PLEKHG3: variants seen among roughly 807,000 people sequenced by gnomAD.
PLEKHG3 encodes pleckstrin homology domain-containing family G member 3.
PLEKHG3 carries 62 observed loss-of-function variants against 94.9 expected under a neutral mutation model. That is an observed-to-expected ratio of 0.65 (90% confidence interval 0.53 to 0.81). The LOEUF (loss-of-function observed/expected upper bound fraction) is 0.81. PLEKHG3 is among the 30% of genes least tolerant of loss of function. The pLI is 0.00. For missense variants in PLEKHG3, 1,461 were observed against 1,619.3 expected (o/e 0.90, Z 1.68); for synonymous variants, 614 against 654.0 (o/e 0.94, Z 0.93).
Position 64,727,560 on chromosome 14 carries a change from A to G in PLEKHG3, c.-39-33A>G, listed in dbSNP as rs773476104. ...CTGTTCTGTTTCTGTGGGCATTCAG[A>G]GGTTGACCCTTCATCTGTCTGTCTT... is the stretch of plus-strand genomic sequence containing the variant. On this transcript the variant is annotated intron_variant, in intron 1 of 16. Coordinates refer to ENST00000247226, the MANE Select transcript of PLEKHG3 (RefSeq NM_001308147.2). The surrounding 1 kb of genome is among the most constrained non-coding windows in gnomAD (Gnocchi z 6.0). 1 of 764,842 alleles carries G rather than the reference A, an allele frequency of 1.3e-6. No individual in the cohort carries two copies. The highest frequency in any genetic ancestry group is 1.6e-5 in the South Asian group (1 of 62,528). The allele number at this position is 764,842 out of a possible 1,614,324, so 47.4% of individuals were successfully genotyped here.
rs1391738967 is a variant in PLEKHG3, at chr14:64,730,659, C to G, written c.537C>G (p.Ile179Met). 1 of 1,612,860 alleles carries G rather than the reference C, an allele frequency of 6.2e-7. No individual in the cohort carries two copies. The highest frequency in any genetic ancestry group is 1.7e-5 in the Admixed American group (1 of 60,016). The change falls in exon 5 of 17, where the codon ATC becomes ATG. Residue 179 changes from isoleucine (I) to methionine (M), a missense_variant. By Grantham distance (10) the Ile-to-Met change is conservative (BLOSUM62 1). Around this residue, in one of 3 missense-constraint regions of PLEKHG3, gnomAD observed 253 missense variants for 297.8 expected, o/e 0.85. Coordinates refer to ENST00000247226, the MANE Select transcript of PLEKHG3 (RefSeq NM_001308147.2). The surrounding 1 kb of genome is among the most constrained non-coding windows in gnomAD (Gnocchi z 5.4). ...CTTCTTAGAGCCAAGAGTTTGATATCTACACTCAGTATTGCAACAATTACC... is the reference window on the plus strand; with the variant it reads ...CTTCTTAGAGCCAAGAGTTTGATATGTACACTCAGTATTGCAACAATTACC... Reference protein sequence around the residue: ...CFVERSQEFDIYTQYCNNYPN... With the variant: ...CFVERSQEFDMYTQYCNNYPN...
chr14:64,742,129 C>G lies in PLEKHG3; in HGVS notation c.2612C>G (p.Pro871Arg), dbSNP rs764040209. ...SATASPESSS[P>R]TEGRSPAHLA... is the part of the protein sequence containing the mutation. ...ACTGCCTCCCCGGAAAGCTCCTCTCCCACTGAGGGGCGCAGCCCGGCCCAC... is the reference window on the plus strand; with the variant it reads ...ACTGCCTCCCCGGAAAGCTCCTCTCGCACTGAGGGGCGCAGCCCGGCCCAC... The change falls in exon 16 of 17, where the codon CCC becomes CGC. Residue 871 changes from proline to arginine, a missense_variant. Physicochemically the swap from Pro to Arg is moderately radical, Grantham distance 103. Around this residue, in one of 3 missense-constraint regions of PLEKHG3, gnomAD observed 1,201 missense variants for 1,295.5 expected, o/e 0.93. Coordinates refer to ENST00000247226, the MANE Select transcript of PLEKHG3 (RefSeq NM_001308147.2). 1.2e-6 allele frequency: 2 copies of G among 1,611,194 alleles called. No homozygotes were observed. Among genetic ancestry groups the G allele is most frequent in the East Asian group, 4.5e-5 (2 of 44,878 alleles).
intron 1 of PLEKHG3, among the ~76,000 whole-genome samples, chr14:64,707,329 T>A (rs910757769): frequency 2.6e-5 from 4 of 152,212 alleles, no homozygotes; most frequent in African/African-American, 7.2e-5. Flanking sequence ...TTCTCATCTC[T>A]CCTTTCTTCT....
Position 64,732,783 on chromosome 14 carries a change from C to T in PLEKHG3, c.1247-20C>T, listed in dbSNP as rs1310532881. On this transcript the variant is annotated intron_variant, in intron 11 of 16. Coordinates refer to ENST00000247226, the MANE Select transcript of PLEKHG3 (RefSeq NM_001308147.2). This position sits in a 1 kb window ranked among gnomAD's most constrained non-coding sequence, Gnocchi z 4.9. ...GCCAATTGGGAATCAAAAGCTTGAT[C>T]GTCTCTCTCCTGGGTGCAGATCCCA... 18 of 1,573,522 alleles carry T rather than the reference C, an allele frequency of 1.1e-5. No individual in the cohort carries two copies. Among genetic ancestry groups the T allele is most frequent in the Middle Eastern group, 1.7e-4 (1 of 6,018 alleles).
rs229648 is a variant in PLEKHG3 at position 64,745,677 on chromosome 14, A to G, written c.*1974A>G. On this transcript the variant is annotated 3_prime_UTR_variant, in exon 17 of 17. Transcript: ENST00000247226. This position sits in a 1 kb window ranked among gnomAD's most constrained non-coding sequence, Gnocchi z 5.0. ...CAGGGCAGCTGCCAGACCAGGGGCT[A>G]TCTCTGCCCTGCGCTGCTTCTGCTC... The G allele has an allele frequency of 0.14, 20,826 of 152,286 alleles. 1,635 individuals carry two copies. The highest frequency in any genetic ancestry group is 0.2 in the African/African-American group (8,362 of 41,542). The allele number at this position is 152,286 out of a possible 1,614,324, so 9.4% of individuals were successfully genotyped here.
At chr14:64,713,830 T>C (rs993561162) in intron 1 of PLEKHG3, among the ~76,000 whole-genome samples, 2 of 152,238 alleles carry the variant, frequency 1.3e-5, no homozygotes, top group Admixed American at 6.5e-5. Context: ...TTTGTTTGAA[T>C]TAAATTCAGG....
At position 64,715,026 on chromosome 14, in the gene PLEKHG3, A is replaced by T. The variant is rs1001819341; in HGVS notation, c.-40+10322A>T. ...CTTGCTACTCACTGAGACCCCGTGC[A>T]GGTTGGTACCCCCACTGCAAGAGTG... On this transcript the variant is annotated intron_variant, in intron 1 of 16. Transcript: ENST00000247226. The surrounding 1 kb of genome is among the most constrained non-coding windows in gnomAD (Gnocchi z 4.4). 2.0e-5 allele frequency among the ~76,000 whole-genome samples: 3 copies of T among 152,176 alleles called. No homozygotes were observed. The highest frequency in any genetic ancestry group is 4.4e-5 in the Non-Finnish European group (3 of 68,042).
rs377017499 is a variant in PLEKHG3, at chr14:64,725,881, C to T, written c.-39-1712C>T. Among the ~76,000 whole-genome samples the T allele has an allele frequency of 2.0e-5, 3 of 152,290 alleles. No individual in the cohort carries two copies. Among genetic ancestry groups the T allele is most frequent in the South Asian group, 2.1e-4 (1 of 4,822 alleles). ...CTCAGTAAAAGCATCAGTTTGTTCA[C>T]CATTGTTGTTCATTTGTTAAATTGG... On this transcript the variant is annotated intron_variant, in intron 1 of 16. Coordinates refer to ENST00000247226, the MANE Select transcript of PLEKHG3 (RefSeq NM_001308147.2). This position sits in a 1 kb window ranked among gnomAD's most constrained non-coding sequence, Gnocchi z 5.0.
rs896442631 is a variant in PLEKHG3 at position 64,727,425 on chromosome 14, A to G, written c.-39-168A>G. Among the ~76,000 whole-genome samples, 3 of 152,188 alleles carry G rather than the reference A, an allele frequency of 2.0e-5. No individual in the cohort carries two copies. The highest frequency in any genetic ancestry group is 4.8e-5 in the African/African-American group (2 of 41,438). On this transcript the variant is annotated intron_variant, in intron 1 of 16. Coordinates refer to ENST00000247226, the MANE Select transcript of PLEKHG3 (RefSeq NM_001308147.2). This position sits in a 1 kb window ranked among gnomAD's most constrained non-coding sequence, Gnocchi z 6.0. ...GTAGGTACATTCATATCATTGTGCA[A>G]TGTCATCACTGTCTATCCACAGAAC...
At chr14:64,709,022 C>T (rs527775181) in intron 1 of PLEKHG3, among the ~76,000 whole-genome samples, 2 of 152,342 alleles carry the variant, frequency 1.3e-5, no homozygotes, top group East Asian at 3.9e-4. Flanking sequence ...AACTGGACAA[C>T]GTGGACTAAA....
chr14:64,709,217 A>C (rs2081027434), intron 1 of PLEKHG3, among the ~76,000 whole-genome samples: 1 of 152,208 alleles, frequency 6.6e-6, no homozygotes, highest in Admixed American at 6.5e-5. Context: ...GATGGGCTTC[A>C]GCCGTGGTCC....
In PLEKHG3 at chr14:64,727,507, C is replaced by CAG; in HGVS notation, c.-39-86_-39-85insAG. On this transcript the variant is annotated intron_variant, in intron 1 of 16. Coordinates refer to ENST00000247226, the MANE Select transcript of PLEKHG3 (RefSeq NM_001308147.2). This position sits in a 1 kb window ranked among gnomAD's most constrained non-coding sequence, Gnocchi z 6.0. ...CACTAAATAATACCTTCCCACCCCA[C>CAG]CTGCCCCCACCCCTGGCAACCGTCC... 1 of 417,280 alleles carries CAG rather than the reference C, an allele frequency of 2.4e-6. No individual in the cohort carries two copies. Among genetic ancestry groups the CAG allele is most frequent in the Non-Finnish European group, 4.6e-6 (1 of 215,350 alleles). 25.8% of individuals were successfully genotyped at this position (417,280 alleles called of 1,614,324 possible). A position where few individuals can be genotyped will look rare whatever the true frequency, so the allele number is the denominator to read the frequency against.
chr14:64,715,021 C>T lies in PLEKHG3; in HGVS notation c.-40+10317C>T, dbSNP rs1043682816. On this transcript the variant is annotated intron_variant, in intron 1 of 16. Transcript: ENST00000247226. This position sits in a 1 kb window ranked among gnomAD's most constrained non-coding sequence, Gnocchi z 4.4. The stretch of plus-strand genomic sequence containing the variant: ...GGATACTTGCTACTCACTGAGACCC[C>T]GTGCAGGTTGGTACCCCCACTGCAA... Among the ~76,000 whole-genome samples, 2 of 152,080 alleles carry T rather than the reference C, an allele frequency of 1.3e-5. No homozygotes were observed. Among genetic ancestry groups the T allele is most frequent in the African/African-American group, 2.4e-5 (1 of 41,410 alleles).
At chr14:64,740,072 A>G (rs2081656035) in intron 15 of PLEKHG3, among the ~76,000 whole-genome samples, 1 of 152,202 alleles carries the variant, frequency 6.6e-6, no homozygotes, top group Non-Finnish European at 1.5e-5. Context: ...AGTTACTGAT[A>G]TGTTTTATCC....
rs2081168663 is a variant in PLEKHG3, at chr14:64,716,667, T to A, written c.-39-10926T>A. On this transcript the variant is annotated intron_variant, in intron 1 of 16. Transcript: ENST00000247226. This position sits in a 1 kb window ranked among gnomAD's most constrained non-coding sequence, Gnocchi z 5.0. ...GGTAGAGCAGTTGAAAGGAGGTTAT[T>A]CCCCTGCCCTGTCTCCTCCCTGGTG... 6.6e-6 allele frequency among the ~76,000 whole-genome samples: 1 copy of A among 152,062 alleles called. No homozygotes were observed. The highest frequency in any genetic ancestry group is 1.5e-5 in the Non-Finnish European group (1 of 68,014).
Position 64,726,501 on chromosome 14 carries a change from T to C in PLEKHG3, c.-39-1092T>C, listed in dbSNP as rs909414532. Reference sequence around the variant, plus strand: ...GGCATGGGTGTTGCATGGGTGTCCCTGTCCTTCCCAAAGGCTGCAGCCTGA... The same window carrying C: ...GGCATGGGTGTTGCATGGGTGTCCCCGTCCTTCCCAAAGGCTGCAGCCTGA... On this transcript the variant is annotated intron_variant, in intron 1 of 16. Coordinates refer to ENST00000247226, the MANE Select transcript of PLEKHG3 (RefSeq NM_001308147.2). This position sits in a 1 kb window ranked among gnomAD's most constrained non-coding sequence, Gnocchi z 5.1. Among the ~76,000 whole-genome samples the C allele has an allele frequency of 6.6e-6, 1 of 152,194 alleles. No individual in the cohort carries two copies. Among genetic ancestry groups the C allele is most frequent in the Non-Finnish European group, 1.5e-5 (1 of 68,028 alleles).
chr14:64,749,318 G>A lies in PLEKHG3; in HGVS notation c.*5615G>A, dbSNP rs1420463614. 6.2e-7 allele frequency: 1 copy of A among 1,604,850 alleles called. No homozygotes were observed. Among genetic ancestry groups the A allele is most frequent in the South Asian group, 1.1e-5 (1 of 90,080 alleles). On this transcript the variant is annotated 3_prime_UTR_variant, in exon 17 of 17. Transcript: ENST00000247226. This position sits in a 1 kb window ranked among gnomAD's most constrained non-coding sequence, Gnocchi z 4.7. ...CCAGCCCCACCTGCTACTTCTTTTT[G>A]GGGAAGAAGCTGAATCTCTTCTCCT... is the stretch of plus-strand genomic sequence containing the variant.
rs749169847 is a variant in PLEKHG3 at position 64,731,446 on chromosome 14, A to G, written c.935A>G (p.His312Arg). Reference sequence around the variant, plus strand: ...GTCCTGGAGGGCACATTCCGCGTGCATCGCGTGCGCAATGAAAGGACCTTT... The same window carrying G: ...GTCCTGGAGGGCACATTCCGCGTGCGTCGCGTGCGCAATGAAAGGACCTTT... ...ELVLEGTFRV[H>R]RVRNERTFFL... Residue 312 changes from histidine (H) to arginine (R), a missense_variant, in exon 8 of 17, where the codon CAT becomes CGT. His to Arg is a conservative substitution (Grantham distance 29). Coordinates refer to ENST00000247226, the MANE Select transcript of PLEKHG3 (RefSeq NM_001308147.2). The surrounding 1 kb of genome is among the most constrained non-coding windows in gnomAD (Gnocchi z 6.1). 8 of 1,613,804 alleles carry G rather than the reference A, an allele frequency of 5.0e-6. No individual in the cohort carries two copies. The East Asian group carries it at 6.7e-5, about 13-fold the overall frequency.
chr14:64,733,164 C>CTTTTTTT (rs112116298), intron 12 of PLEKHG3, among the ~76,000 whole-genome samples: 1 of 135,358 alleles, frequency 7.4e-6, no homozygotes, highest in Non-Finnish European at 1.6e-5. Flanking sequence ...TTTTCTTTTT[C>CTTTTTTT]TTTTTTTTTT....
Sources: gnomAD v4.1 joint callset for allele counts (sites outside exome capture counted in the v4.1 genomes callset) on GRCh38, gnomAD v4.1.1 for gene constraint, gnomAD v4.1.1 regional missense constraint, Gnocchi (gnomAD v3.1) non-coding constraint, MANE v1.5 for transcripts, NCBI Gene and HGNC (gene_info 2026-07-23, HGNC 2026-07-21) for gene names.